DHX9: variants seen among roughly 807,000 people sequenced by gnomAD.
DHX9 encodes ATP-dependent RNA helicase A.
Under a neutral mutation model 148.7 loss-of-function variants are expected in DHX9, and 27 were observed. The observed-to-expected ratio is 0.18, with a 90% CI of 0.13 to 0.25. The LOEUF is 0.25. DHX9 is among the 10% of genes least tolerant of loss of function. DHX9 has a pLI of 1.00. For missense variants in DHX9, 796 were observed against 1,559.6 expected (o/e 0.51, Z 8.25); for synonymous variants, 529 against 516.6 (o/e 1.02, Z -0.33).
chr1:182,856,884 C>T (rs1668260889), intron 7 of DHX9, among the ~76,000 whole-genome samples: 1 of 152,156 alleles, frequency 6.6e-6, no homozygotes, highest in African/African-American at 2.4e-5. Flanking sequence ...GAGTCTTGCT[C>T]TGTCGCCCAG....
intron 3 of DHX9, 147 bp downstream of exon 3, chr1:182,843,581 A>G (rs1437665046): frequency 2.5e-6 from 2 of 784,726 alleles, no homozygotes; most frequent in Non-Finnish European, 3.8e-6. Context: ...TTGTCTCAGC[A>G]CTGGACAAAA....
intron 26 of DHX9, 47 bp from the exon 27 acceptor site, chr1:182,884,566 T>G (rs780807664): frequency 1.9e-6 from 3 of 1,538,646 alleles, no homozygotes; most frequent in East Asian, 4.6e-5. Flanking sequence ...ATGGTCTTTT[T>G]CTACATATAC....
intron 12 of DHX9, among the ~76,000 whole-genome samples, chr1:182,864,606 A>G (rs777331441): frequency 1.2e-4 from 19 of 152,226 alleles, no homozygotes; most frequent in Non-Finnish European, 2.2e-4. Context: ...TTTTTGTTTA[A>G]GTCAAGGGCT....
rs745928040 is a variant in DHX9, at chr1:182,860,073, C to T, written c.1221C>T (p.Val407=). 1 of 1,613,954 alleles carries T rather than the reference C, an allele frequency of 6.2e-7. No individual in the cohort carries two copies. The highest frequency in any genetic ancestry group is 1.1e-5 in the South Asian group (1 of 91,044). ...AAGCAATCAGCCAAAATTCAGTTGT[C>T]ATTATTAGAGGGGCTACTGGATGTG... is the stretch of plus-strand genomic sequence containing the variant. ...ILEAISQNSV[V]IIRGATGCGK... The change falls in exon 12 of 28, where the codon GTC becomes GTT. Residue 407 remains valine, a synonymous_variant. Transcript: ENST00000367549.
At chr1:182,863,288 A>G (rs1474284087) in intron 12 of DHX9, among the ~76,000 whole-genome samples, 2 of 152,222 alleles carry the variant, frequency 1.3e-5, no homozygotes, top group African/African-American at 2.4e-5. Flanking sequence ...TAAGTCATTT[A>G]TGTGTCCTTA....
At chr1:182,878,819 T>A (rs1648945223) in intron 20 of DHX9, among the ~76,000 whole-genome samples, 1 of 152,232 alleles carries the variant, frequency 6.6e-6, no homozygotes, top group African/African-American at 2.4e-5. Context: ...TAAAGATACA[T>A]CTATAAGAGC....
Position 182,842,555 on chromosome 1 carries a change from G to A in DHX9, c.-12G>A. 6.3e-7 allele frequency: 1 copy of A among 1,598,688 alleles called. No homozygotes were observed. Among genetic ancestry groups the A allele is most frequent in the South Asian group, 1.1e-5 (1 of 89,672 alleles). On this transcript the variant is annotated 5_prime_UTR_variant, in exon 2 of 28. Transcript: ENST00000367549. ...CTTTTGTTTTCTTAGATCTGAAGAA[G>A]ACACTTGAATCATGGGTGACGTTAA...
In DHX9 at chr1:182,876,556, T is replaced by C; in HGVS notation, c.2124+15T>C. The C allele has an allele frequency of 1.9e-6, 3 of 1,596,486 alleles. No homozygotes were observed. On this transcript the variant is annotated intron_variant, in intron 18 of 27. Transcript: ENST00000367549. Reference sequence around the variant, plus strand: ...GAGTAACCAAGGTAAATATTAAACATTAGAGTGATGGGATTGGAAGTGACG... The same window carrying C: ...GAGTAACCAAGGTAAATATTAAACACTAGAGTGATGGGATTGGAAGTGACG...
Position 182,879,414 on chromosome 1 carries a change from C to A in DHX9, c.2512+4C>A. ...GAAGCAGAACACACTCTTAGAGGTACTTACAAATACAAACCTACTTGACGC... is the reference window on the plus strand; with the variant it reads ...GAAGCAGAACACACTCTTAGAGGTAATTACAAATACAAACCTACTTGACGC... On this transcript the variant is annotated splice_donor_region_variant and intron_variant, in intron 21 of 27. Coordinates refer to ENST00000367549, the MANE Select transcript of DHX9 (RefSeq NM_001357.5). The A allele has an allele frequency of 1.4e-6, 2 of 1,453,046 alleles. No individual in the cohort carries two copies. The highest frequency in any genetic ancestry group is 1.6e-5 in the South Asian group (1 of 63,654). 90.0% of individuals were successfully genotyped at this position (1,453,046 alleles called of 1,614,324 possible). A position where few individuals can be genotyped will look rare whatever the true frequency, so the allele number is the denominator to read the frequency against.
In DHX9 at chr1:182,881,372, A is replaced by G. The variant is rs992429618; in HGVS notation, c.2733A>G (p.Arg911=). 1.2e-6 allele frequency: 2 copies of G among 1,614,144 alleles called. No homozygotes were observed. Among genetic ancestry groups the G allele is most frequent in the Non-Finnish European group, 1.7e-6 (2 of 1,180,016 alleles). ...TCCATCGAAATTTTGCTGGAAACAG[A>G]TTTTCTGATCACGTAGCCCTTTTAT... is the stretch of plus-strand genomic sequence containing the variant. The part of the protein sequence containing the change: ...GYIHRNFAGN[R]FSDHVALLSV... Residue 911 remains arginine (R), a synonymous_variant, in exon 23 of 28, where the codon AGA becomes AGG. Transcript: ENST00000367549.
intron 20 of DHX9, among the ~76,000 whole-genome samples, 198 bp from the exon 21 acceptor site, chr1:182,879,052 A>G (rs1251108208): frequency 6.6e-6 from 1 of 152,364 alleles, no homozygotes; most frequent in East Asian, 1.9e-4. Flanking sequence ...CTGTGAGGAT[A>G]AGTCAGAAAC....
chr1:182,867,095 G>C, intron 14 of DHX9, 52 bp downstream of exon 14: 1 of 1,105,114 alleles, frequency 9.0e-7, no homozygotes, highest in Non-Finnish European at 1.3e-6. Flanking sequence ...ATTTCTAAGA[G>C]AAATCAGTAG....
At chr1:182,876,665 C>A in intron 18 of DHX9, 124 bp downstream of exon 18, 1 of 982,942 alleles carries the variant, frequency 1.0e-6, no homozygotes, top group South Asian at 1.5e-5. Context: ...AAAAAGGAGT[C>A]TTCTCTTTCT....
At chr1:182,886,396 A>G (rs921346020) in intron 27 of DHX9, among the ~76,000 whole-genome samples, 1 of 151,862 alleles carries the variant, frequency 6.6e-6, no homozygotes, top group Non-Finnish European at 1.5e-5. Context: ...GGGTTTTGCC[A>G]TGTTGCCCAG....
At position 182,876,978 on chromosome 1, in the gene DHX9, A is replaced by G. The variant is rs1648831734; in HGVS notation, c.2198+75A>G. The G allele has an allele frequency of 3.9e-6, 4 of 1,031,666 alleles. No homozygotes were observed. The Admixed American group carries it at 8.8e-5, about 23-fold the overall frequency. The allele number at this position is 1,031,666 out of a possible 1,614,324, so 63.9% of individuals were successfully genotyped here. A position where few individuals can be genotyped will look rare whatever the true frequency, so the allele number is the denominator to read the frequency against. On this transcript the variant is annotated intron_variant, in intron 19 of 27. Coordinates refer to ENST00000367549, the MANE Select transcript of DHX9 (RefSeq NM_001357.5). ...ACTTCTTACCAGTTAACAGAATCAA[A>G]AACACCTTATTTTTAAACTCCTGTG...
At chr1:182,868,278 A>G (rs1046452808) in intron 14 of DHX9, among the ~76,000 whole-genome samples, 2 of 152,194 alleles carry the variant, frequency 1.3e-5, no homozygotes, top group African/African-American at 2.4e-5. Context: ...CATACCTACC[A>G]TATAATTTTA....
chr1:182,866,202 CTT>C (rs1202796675), intron 12 of DHX9, among the ~76,000 whole-genome samples: 1 of 152,164 alleles, frequency 6.6e-6, no homozygotes, highest in East Asian at 1.9e-4. Context: ...TGGAAAATCA[CTT>C]TGCATACTAT....
chr1:182,851,810 C>A (rs1460301108), intron 3 of DHX9, among the ~76,000 whole-genome samples: 1 of 152,024 alleles, frequency 6.6e-6, no homozygotes, highest in Non-Finnish European at 1.5e-5. Context: ...TTAATAAAGG[C>A]TTTTGAAAAA....
intron 1 of DHX9, 112 bp downstream of exon 1, chr1:182,839,568 T>G (rs1667874157): frequency 6.6e-6 from 1 of 151,068 alleles, no homozygotes; most frequent in Non-Finnish European, 1.5e-5. Context: ...CGGCGGCGGC[T>G]GGGGGTGGGG....
Sources: gnomAD v4.1 joint callset for allele counts (sites outside exome capture counted in the v4.1 genomes callset) on GRCh38, gnomAD v4.1.1 for gene constraint, MANE v1.5 for transcripts, NCBI Gene and HGNC (gene_info 2026-07-23, HGNC 2026-07-21) for gene names.